HPS5: variants seen among roughly 807,000 people sequenced by gnomAD.
HPS5 encodes BLOC-2 complex member HPS5.
Under a neutral mutation model 128.0 loss-of-function variants are expected in HPS5, and 83 were observed. The ratio of observed to expected loss-of-function variants is 0.65; its 90% CI spans 0.54 to 0.78. The LOEUF (loss-of-function observed/expected upper bound fraction) is 0.78, where lower values mean the gene tolerates loss of function less well. HPS5 is among the 30% of genes least tolerant of loss of function. HPS5 has a pLI of 0.00. For missense variants in HPS5, 1,281 were observed against 1,326.2 expected, an observed-to-expected ratio of 0.97 and a Z score of 0.53; for synonymous variants, 475 against 470.2, an observed-to-expected ratio of 1.01 and a Z score of -0.13.
At chr11:18,313,048 A>T (rs1273126153) in intron 2 of HPS5, among the ~76,000 whole-genome samples, 1 of 152,232 alleles carries the variant, frequency 6.6e-6, no homozygotes, top group Non-Finnish European at 1.5e-5. Flanking sequence ...CTCAGATGCT[A>T]GTATCTCCTT....
intron 8 of HPS5, among the ~76,000 whole-genome samples, chr11:18,302,822 C>CGGGGGGGGGGGGG (rs1222065101): frequency 1.9e-3 from 3 of 1,604 alleles, no homozygotes; most frequent in Non-Finnish European, 3.7e-3. Context: ...AGAAAAAAAG[C>CGGGGGGGGGGGGG]GGGGGGGGGG....
At chr11:18,291,285 AACT>A (rs1166462922) in intron 16 of HPS5, among the ~76,000 whole-genome samples, 154 bp downstream of exon 16, 1 of 152,234 alleles carries the variant, frequency 6.6e-6, no homozygotes, top group East Asian at 1.9e-4. Flanking sequence ...TGTCTGAAAG[AACT>A]ATTAAAAGTT....
chr11:18,280,455 GCAGTCTCTA>G lies in HPS5; in HGVS notation c.3330-522_3330-514del. 6.6e-6 allele frequency: 4 copies of G among 608,632 alleles called. No individual in the cohort carries two copies. In the South Asian group the frequency reaches 8.0e-5, roughly 12 times the overall value. The allele number at this position is 608,632 out of a possible 1,614,324, so 37.7% of individuals were successfully genotyped here. ...ACTGCTGGCAGGAAAGTAAAATGGT[GCAGTCTCTA>G]CAGAACAGTATGGTGGTTCCTCAAA... is the stretch of plus-strand genomic sequence containing the variant. On this transcript the variant is annotated intron_variant, in intron 22 of 22. Transcript: ENST00000349215.
At chr11:18,321,274 C>A (rs1864288980) in intron 1 of HPS5, among the ~76,000 whole-genome samples, 1 of 152,226 alleles carries the variant, frequency 6.6e-6, no homozygotes, top group South Asian at 2.1e-4. Flanking sequence ...TCTCCAACTA[C>A]ATTGGACTCG....
chr11:18,281,129 G>A (rs1210846709), intron 22 of HPS5, among the ~76,000 whole-genome samples: 1 of 150,996 alleles, frequency 6.6e-6, no homozygotes, highest in Non-Finnish European at 1.5e-5. Flanking sequence ...CCAGGGTGGA[G>A]TGCAATGGCG....
Position 18,287,027 on chromosome 11 carries a change from T to C in HPS5, c.2718-317A>G, listed in dbSNP as rs188743049. 8.6e-5 allele frequency: 42 copies of C among 487,714 alleles called. No homozygotes were observed. In the Admixed American group the frequency reaches 1.5e-3, roughly 18 times the overall value. 30.2% of individuals were successfully genotyped at this position (487,714 alleles called of 1,614,324 possible). On this transcript the variant is annotated intron_variant, in intron 18 of 22. Coordinates refer to ENST00000349215, the MANE Select transcript of HPS5 (RefSeq NM_181507.2). ...TTGAGGCTGTAGTATGCTATGATCATACCCGTGAATAGCCACTGCATCCAG... is the reference window on the plus strand; with the variant it reads ...TTGAGGCTGTAGTATGCTATGATCACACCCGTGAATAGCCACTGCATCCAG...
intron 14 of HPS5, among the ~76,000 whole-genome samples, chr11:18,294,484 G>A (rs1300506432): frequency 6.6e-6 from 1 of 152,054 alleles, no homozygotes; most frequent in Non-Finnish European, 1.5e-5. Flanking sequence ...TAGATCCTTG[G>A]TCATCCTACT....
At chr11:18,309,585 A>T (rs939583539) in intron 5 of HPS5, among the ~76,000 whole-genome samples, 3 of 152,246 alleles carry the variant, frequency 2.0e-5, no homozygotes, top group Non-Finnish European at 4.4e-5. Flanking sequence ...AGAAAAAGAC[A>T]AAATAAGTTT....
chr11:18,280,794 G>A (rs891905676), intron 22 of HPS5, among the ~76,000 whole-genome samples: 5 of 152,218 alleles, frequency 3.3e-5, no homozygotes, highest in Admixed American at 6.5e-5. Flanking sequence ...GTCACAAAAC[G>A]ACAAATGTAT....
rs748080375 is a variant in HPS5 at position 18,292,036 on chromosome 11, A to G, written c.1863-17T>C. The G allele has an allele frequency of 6.3e-7, 1 of 1,583,840 alleles. No homozygotes were observed. Among genetic ancestry groups the G allele is most frequent in the Non-Finnish European group, 8.7e-7 (1 of 1,152,864 alleles). ...AGCTTGGTCCTATACAAGACAGACA[A>G]GTATGAAATTCATGTGTCATGTGTT... On this transcript the variant is annotated splice_polypyrimidine_tract_variant and intron_variant, in intron 15 of 22. Coordinates refer to ENST00000349215, the MANE Select transcript of HPS5 (RefSeq NM_181507.2).
At chr11:18,315,495 C>T (rs1299650637) in intron 2 of HPS5, among the ~76,000 whole-genome samples, 2 of 152,102 alleles carry the variant, frequency 1.3e-5, no homozygotes, top group Non-Finnish European at 2.9e-5. Flanking sequence ...TGCCTGTAAT[C>T]CCAGCTACTC....
At chr11:18,309,214 C>T (rs1208645004) in intron 5 of HPS5, 135 bp from the exon 6 acceptor site, 3 of 834,626 alleles carry the variant, frequency 3.6e-6, no homozygotes, top group East Asian at 2.7e-5. Context: ...ACTTAATTTG[C>T]TTGTAAGGAT....
At chr11:18,317,351 G>T (rs113753226) in intron 2 of HPS5, among the ~76,000 whole-genome samples, 4,930 of 151,552 alleles carry the variant, frequency 0.033, 271 homozygotes, top group African/African-American at 0.11. Flanking sequence ...CACCTCCCGG[G>T]TTCAAGTGAT....
At position 18,303,817 on chromosome 11, in the gene HPS5, G is replaced by A. The variant is rs1417760363; in HGVS notation, c.896+1605C>T. Among the ~76,000 whole-genome samples the A allele has an allele frequency of 2.0e-5, 3 of 150,252 alleles. No individual in the cohort carries two copies. In the Admixed American group the frequency reaches 2.0e-4, roughly 10 times the overall value. ...TGCAGTGAGCTAAGATCGCACCACT[G>A]CACTCCAATGTGGGTGACAGAGCAA... On this transcript the variant is annotated intron_variant, in intron 8 of 22. Coordinates refer to ENST00000349215, the MANE Select transcript of HPS5 (RefSeq NM_181507.2).
intron 3 of HPS5, 119 bp downstream of exon 3, chr11:18,311,795 G>A (rs753599385): frequency 1.2e-6 from 1 of 839,586 alleles, no homozygotes; most frequent in Non-Finnish European, 2.0e-6. Context: ...ACAGGCGTGA[G>A]ACACCGCACC....
chr11:18,283,041 G>A (rs926750799), intron 21 of HPS5, among the ~76,000 whole-genome samples: 6 of 152,122 alleles, frequency 3.9e-5, no homozygotes, highest in Non-Finnish European at 8.8e-5. Flanking sequence ...TTGCTCTGTT[G>A]CCCAAGCTGG....
intron 1 of HPS5, among the ~76,000 whole-genome samples, chr11:18,318,695 C>T (rs1166329811): frequency 6.6e-6 from 1 of 152,212 alleles, no homozygotes; most frequent in African/African-American, 2.4e-5. Context: ...TAACTTTTCT[C>T]AATCACTTGT....
In HPS5 at chr11:18,288,057, C is replaced by T. The variant is rs376390596; in HGVS notation, c.2441-44G>A. 19 of 1,604,602 alleles carry T rather than the reference C, an allele frequency of 1.2e-5. No homozygotes were observed. In the African/African-American group the frequency reaches 1.5e-4, roughly 12 times the overall value. ...CCTTTTCCAAACTTTATCTCTTAGG[C>T]GGAAATATTCAATTTATGAACATGT... On this transcript the variant is annotated intron_variant, in intron 16 of 22. Transcript: ENST00000349215.
At chr11:18,290,266 C>G (rs1236320785) in intron 16 of HPS5, among the ~76,000 whole-genome samples, 7 of 152,172 alleles carry the variant, frequency 4.6e-5, no homozygotes, top group Non-Finnish European at 8.8e-5. Context: ...GAATACCTGT[C>G]CTGGACTGTT....
Sources: allele counts gnomAD v4.1 joint callset (sites outside exome capture counted in the v4.1 genomes callset), GRCh38; gene constraint gnomAD v4.1.1; transcripts MANE v1.5; gene names NCBI Gene and HGNC (gene_info 2026-07-23, HGNC 2026-07-21).